Variants in CLDN14 observed in about 807,000 individuals in gnomAD.
The protein encoded by CLDN14 is claudin-14.
In CLDN14, 2 loss-of-function variants were observed where a neutral mutation model predicts 2.1. That is an observed-to-expected ratio of 0.96 (90% confidence interval 0.39 to 3.01). CLDN14 has a LOEUF of 3.01. Ranked by LOEUF, CLDN14 falls within the 30% of genes most tolerant of loss-of-function variation. The pLI, the probability that CLDN14 is intolerant of heterozygous loss-of-function variation, is 0.09. For synonymous variants in CLDN14, 136 were observed against 154.4 expected (o/e 0.88, Z 0.88); for missense variants, 298 against 328.0 (o/e 0.91, Z 0.71).
At chr21:36,535,256 G>A (rs1043123288) in intron 1 of CLDN14, among the ~76,000 whole-genome samples, 4 of 152,116 alleles carry the variant, frequency 2.6e-5, no homozygotes, top group African/African-American at 9.7e-5. Flanking sequence ...TGGGGGTGGT[G>A]GCAGGTGCCT....
In CLDN14 at chr21:36,469,436, C is replaced by T. The variant is rs571494825; in HGVS notation, c.-81-7660G>A. Among the ~76,000 whole-genome samples, 104 of 152,252 alleles carry T rather than the reference C, an allele frequency of 6.8e-4. No homozygotes were observed. In the South Asian group the frequency reaches 0.014, roughly 21 times the overall value. ...GCACTCTTTCCATGAGAGGCAGAGA[C>T]GGGATACTTACGTGACTACGACTTA... On this transcript the variant is annotated intron_variant, in intron 1 of 1. Coordinates refer to ENST00000399135, the MANE Select transcript of CLDN14 (RefSeq NM_001146079.2).
upstream of CLDN14, among the ~76,000 whole-genome samples, chr21:36,482,428 G>A (rs560290289): frequency 2.7e-5 from 4 of 149,644 alleles, no homozygotes; most frequent in African/African-American, 1.0e-4. Flanking sequence ...ATGGATGGAT[G>A]GATGGATGGA....
intron 1 of CLDN14, among the ~76,000 whole-genome samples, chr21:36,546,842 C>A (rs2087528983): frequency 6.6e-6 from 1 of 152,170 alleles, no homozygotes; most frequent in Admixed American, 6.5e-5. Flanking sequence ...TTATAAATAA[C>A]CACAACAAAT....
intron 1 of CLDN14, among the ~76,000 whole-genome samples, chr21:36,462,909 C>T (rs753886527): frequency 1.3e-5 from 2 of 149,052 alleles, no homozygotes; most frequent in Non-Finnish European, 3.0e-5. Flanking sequence ...CAGAGTAAGA[C>T]TCCGTCTCAA....
At chr21:36,553,676 C>T (rs1280855264) in intron 1 of CLDN14, among the ~76,000 whole-genome samples, 1 of 152,010 alleles carries the variant, frequency 6.6e-6, no homozygotes. Flanking sequence ...AAACTTCTGA[C>T]ATTGGCGGTC....
intron 2 of CLDN14, among the ~76,000 whole-genome samples, chr21:36,489,158 GGAGAGA>G (rs369533067): frequency 1.2e-4 from 10 of 80,222 alleles, no homozygotes; most frequent in African/African-American, 3.7e-4. Flanking sequence ...ATATATATAT[GGAGAGA>G]GAGAGAGAGA....
chr21:36,470,424 A>T (rs954706997), intron 1 of CLDN14, among the ~76,000 whole-genome samples: 1 of 152,188 alleles, frequency 6.6e-6, no homozygotes, highest in African/African-American at 2.4e-5. Flanking sequence ...AAGTCAAGGA[A>T]TGTGGAGGAT....
intron 2 of CLDN14, among the ~76,000 whole-genome samples, chr21:36,500,939 C>T (rs11700868): frequency 0.66 from 100,604 of 152,214 alleles, 37,877 homozygotes; most frequent in Non-Finnish European, 0.87. Flanking sequence ...CAGAACTCTA[C>T]GCAGGGGGTA....
chr21:36,555,165 A>G (rs1389174867), intron 1 of CLDN14, among the ~76,000 whole-genome samples: 1 of 152,240 alleles, frequency 6.6e-6, no homozygotes, highest in Non-Finnish European at 1.5e-5. Context: ...TTGCTGTTCT[A>G]GAATGCCTAT....
intron 1 of CLDN14, among the ~76,000 whole-genome samples, chr21:36,541,531 A>T (rs1371766694): frequency 6.6e-6 from 1 of 152,226 alleles, no homozygotes; most frequent in Non-Finnish European, 1.5e-5. Flanking sequence ...TAATAAAAAG[A>T]AGCATGCTGG....
rs149305332 is a variant in CLDN14 at position 36,466,034 on chromosome 21, C to A, written c.-81-4258G>T. ...ACAGCATCTTGGAATGCTGCATTTGCAGGATGTCTTGTGTGGAGGACACAA... is the reference window on the plus strand; with the variant it reads ...ACAGCATCTTGGAATGCTGCATTTGAAGGATGTCTTGTGTGGAGGACACAA... On this transcript the variant is annotated intron_variant, in intron 1 of 1. Transcript: ENST00000399135. Among the ~76,000 whole-genome samples, 127 of 152,254 alleles carry A rather than the reference C, an allele frequency of 8.3e-4. 1 individual carries two copies. In the East Asian group the frequency reaches 0.02, roughly 24 times the overall value.
chr21:36,556,060 G>C (rs1021338453), intron 1 of CLDN14, among the ~76,000 whole-genome samples: 5 of 152,100 alleles, frequency 3.3e-5, no homozygotes, highest in African/African-American at 1.2e-4. Flanking sequence ...AGGGGCCCAA[G>C]CTATTGGTGG....
intron 1 of CLDN14, among the ~76,000 whole-genome samples, chr21:36,472,752 A>G (rs1393306771): frequency 2.6e-5 from 4 of 152,140 alleles, no homozygotes; most frequent in Non-Finnish European, 4.4e-5. Context: ...TCCTGGTGGA[A>G]ATTCACCTGA....
chr21:36,562,049 C>T (rs1217987529), intron 1 of CLDN14, among the ~76,000 whole-genome samples: 1 of 151,798 alleles, frequency 6.6e-6, no homozygotes, highest in Non-Finnish European at 1.5e-5. Context: ...TGCAATATTC[C>T]TAAGATCCTT....
chr21:36,549,230 C>T (rs1601633369), intron 1 of CLDN14, among the ~76,000 whole-genome samples: 1 of 151,086 alleles, frequency 6.6e-6, no homozygotes, highest in East Asian at 1.9e-4. Flanking sequence ...GGGCTGTTGG[C>T]TTCAAGCAAG....
intron 1 of CLDN14, among the ~76,000 whole-genome samples, chr21:36,546,296 C>T (rs994463175): frequency 9.2e-5 from 14 of 152,096 alleles, no homozygotes; most frequent in African/African-American, 2.4e-4. Flanking sequence ...TCCAGGAACA[C>T]GCTGGAAAGC....
chr21:36,508,885 T>G (rs758271871), intron 2 of CLDN14, among the ~76,000 whole-genome samples: 7 of 152,292 alleles, frequency 4.6e-5, no homozygotes, highest in Non-Finnish European at 1.0e-4. Flanking sequence ...TCCTGTGGGT[T>G]GGTAGGCGTC....
intron 1 of CLDN14, among the ~76,000 whole-genome samples, chr21:36,547,671 G>C (rs1334001154): frequency 6.6e-6 from 1 of 152,196 alleles, no homozygotes; most frequent in African/African-American, 2.4e-5. Flanking sequence ...CCAGGAAGCA[G>C]GTCTCCCAGG....
At chr21:36,545,514 AT>A (rs1213352014) in intron 1 of CLDN14, among the ~76,000 whole-genome samples, 2 of 152,126 alleles carry the variant, frequency 1.3e-5, no homozygotes, top group Non-Finnish European at 2.9e-5. Flanking sequence ...AAGGACCATA[AT>A]TTCCCTTACT....
Sources: allele counts gnomAD v4.1 joint callset (sites outside exome capture counted in the v4.1 genomes callset), GRCh38; gene constraint gnomAD v4.1.1; transcripts MANE v1.5; gene names NCBI Gene and HGNC (gene_info 2026-07-23, HGNC 2026-07-21).